The following RALGAPA1 variants were observed in gnomAD, a reference collection of about 807,000 sequenced individuals.
RALGAPA1 encodes the protein ral GTPase-activating protein subunit alpha-1.
In RALGAPA1, 52 loss-of-function variants were observed where a neutral mutation model predicts 269.6. That is an observed-to-expected ratio of 0.19 (90% CI 0.15 to 0.24). RALGAPA1 has a LOEUF of 0.24. Ranked by LOEUF, RALGAPA1 falls within the 10% of genes least tolerant of loss-of-function variation. The probability of loss-of-function intolerance (pLI) is 1.00; values close to 1 mark genes in which losing one functional copy is unlikely to be tolerated. For synonymous variants in RALGAPA1, 817 were observed against 1,008.3 expected (o/e 0.81, Z 3.60); for missense variants, 1,917 against 3,013.9 (o/e 0.64, Z 8.52).
At chr14:35,674,046 C>T in intron 24 of RALGAPA1, 134 bp downstream of exon 24, 2 of 619,330 alleles carry the variant, frequency 3.2e-6, no homozygotes, top group Non-Finnish European at 5.7e-6. Flanking sequence ...CTATATAATG[C>T]CTAATGACTT....
At chr14:35,698,478 G>GC (rs2067074934) in intron 17 of RALGAPA1, among the ~76,000 whole-genome samples, 1 of 151,914 alleles carries the variant, frequency 6.6e-6, no homozygotes, top group Non-Finnish European at 1.5e-5. Flanking sequence ...CTTTCTGACA[G>GC]TTTTTTTAAA....
At chr14:35,805,743 A>G (rs2077324705) in intron 1 of RALGAPA1, among the ~76,000 whole-genome samples, 1 of 144,270 alleles carries the variant, frequency 6.9e-6, no homozygotes, top group Admixed American at 7.2e-5. Flanking sequence ...GGAGTGCAGT[A>G]GCGTGATCTC....
intron 12 of RALGAPA1, among the ~76,000 whole-genome samples, chr14:35,735,919 T>G (rs1174490659): frequency 6.6e-6 from 1 of 152,174 alleles, no homozygotes; most frequent in East Asian, 1.9e-4. Context: ...ATGATGGCCT[T>G]ATAGACCATT....
At chr14:35,560,748 A>G (rs530964197) in intron 39 of RALGAPA1, among the ~76,000 whole-genome samples, 4 of 152,318 alleles carry the variant, frequency 2.6e-5, no homozygotes, top group African/African-American at 9.6e-5. Flanking sequence ...ATTGGTCAAT[A>G]TTAGTAAAAC....
chr14:35,554,813 C>T (rs186010921), intron 39 of RALGAPA1, among the ~76,000 whole-genome samples: 1 of 152,252 alleles, frequency 6.6e-6, no homozygotes, highest in Admixed American at 6.5e-5. Context: ...GTGAGACCAA[C>T]GCCATGGGGA....
At chr14:35,605,812 A>T in intron 35 of RALGAPA1, 103 bp from the exon 36 acceptor site, 1 of 1,339,474 alleles carries the variant, frequency 7.5e-7, no homozygotes, top group Non-Finnish European at 1.0e-6. Context: ...TAAAAAGATG[A>T]AAAAGAATTA....
chr14:35,589,942 C>T (rs903521020), intron 37 of RALGAPA1, among the ~76,000 whole-genome samples: 1 of 152,140 alleles, frequency 6.6e-6, no homozygotes, highest in African/African-American at 2.4e-5. Flanking sequence ...AATCCTCCCA[C>T]CTTAGCCTCC....
chr14:35,761,883 T>C (rs545950507), intron 5 of RALGAPA1, among the ~76,000 whole-genome samples: 11 of 152,214 alleles, frequency 7.2e-5, no homozygotes, highest in Non-Finnish European at 1.6e-4. Context: ...GGAAGGCTTA[T>C]TCCTTTGTAC....
intron 26 of RALGAPA1, among the ~76,000 whole-genome samples, chr14:35,670,676 G>A (rs2064331796): frequency 6.6e-6 from 1 of 152,300 alleles, no homozygotes; most frequent in Non-Finnish European, 1.5e-5. Context: ...TGTAATCCCA[G>A]CACTTTGGGA....
At chr14:35,662,526 T>C (rs1361758716) in intron 27 of RALGAPA1, among the ~76,000 whole-genome samples, 2 of 152,184 alleles carry the variant, frequency 1.3e-5, no homozygotes, top group Non-Finnish European at 2.9e-5. Flanking sequence ...TGGAGATTTG[T>C]TTTTCATACA....
At chr14:35,681,767 TAA>T (rs535069081) in intron 21 of RALGAPA1, among the ~76,000 whole-genome samples, 15 of 152,152 alleles carry the variant, frequency 9.9e-5, no homozygotes, top group Non-Finnish European at 1.9e-4. Context: ...TCCATCACCA[TAA>T]AGTTTTCTTA....
At chr14:35,560,427 A>C (rs1244626729) in intron 39 of RALGAPA1, among the ~76,000 whole-genome samples, 1 of 152,164 alleles carries the variant, frequency 6.6e-6, no homozygotes, top group East Asian at 1.9e-4. Context: ...ATATCTGTCT[A>C]GAAAAGTTCC....
intron 35 of RALGAPA1, 66 bp downstream of exon 35, chr14:35,625,295 C>T (rs1456459803): frequency 1.2e-5 from 12 of 989,038 alleles, no homozygotes; most frequent in Non-Finnish European, 1.9e-5. Flanking sequence ...ATATTATTCA[C>T]AGTATTATTC....
intron 39 of RALGAPA1, chr14:35,564,489 T>C (rs1442050884): frequency 6.6e-6 from 1 of 152,178 alleles, no homozygotes; most frequent in Non-Finnish European, 1.5e-5. Context: ...TACTGGACAT[T>C]TGAGTAGCAG....
chr14:35,655,938 C>T (rs569086177), intron 28 of RALGAPA1, 23 bp from the exon 29 acceptor site: 67 of 1,612,144 alleles, frequency 4.2e-5, no homozygotes, highest in Admixed American at 6.7e-5. Flanking sequence ...CAAACAACAA[C>T]GGTTACATAA....
intron 22 of RALGAPA1, among the ~76,000 whole-genome samples, chr14:35,675,472 G>A (rs1483091138): frequency 6.6e-6 from 1 of 152,076 alleles, no homozygotes; most frequent in Admixed American, 6.6e-5. Context: ...CACCGCACCC[G>A]ACCGAAAAAT....
At position 35,539,363 on chromosome 14, in the gene RALGAPA1, T is replaced by A; in HGVS notation, c.*351A>T. ...GTGGGAAAAAAAATGAAACAATAAA[T>A]AACTTAAATCTTTAATATTAAGCTA... On this transcript the variant is annotated 3_prime_UTR_variant, in exon 42 of 42. Coordinates refer to ENST00000680220, the MANE Select transcript of RALGAPA1 (RefSeq NM_001346249.2). 1 of 776,748 alleles carries A rather than the reference T, an allele frequency of 1.3e-6. No individual in the cohort carries two copies. The highest frequency in any genetic ancestry group is 1.8e-6 in the Non-Finnish European group (1 of 568,392). 48.1% of individuals were successfully genotyped at this position (776,748 alleles called of 1,614,324 possible).
chr14:35,557,098 A>ATGTGTGTGTGTGTGTG (rs56835063), intron 39 of RALGAPA1, among the ~76,000 whole-genome samples: 8 of 142,430 alleles, frequency 5.6e-5, no homozygotes, highest in South Asian at 2.3e-4. Flanking sequence ...TCCAATATGT[A>ATGTGTGTGTGTGTGTG]TGTGTGTGTG....
At chr14:35,690,603 T>C (rs781754113) in intron 17 of RALGAPA1, among the ~76,000 whole-genome samples, 3 of 152,222 alleles carry the variant, frequency 2.0e-5, no homozygotes, top group Non-Finnish European at 4.4e-5. Flanking sequence ...TCTTATTCAC[T>C]GACATCAAAT....
Sources: allele counts gnomAD v4.1 joint callset (sites outside exome capture counted in the v4.1 genomes callset), GRCh38; gene constraint gnomAD v4.1.1; transcripts MANE v1.5; gene names NCBI Gene and HGNC (gene_info 2026-07-23, HGNC 2026-07-21).